The following RALGAPA1 variants were observed in gnomAD, a reference collection of about 807,000 sequenced individuals.
RALGAPA1 encodes the protein ral GTPase-activating protein subunit alpha-1.
Under a neutral mutation model 269.6 loss-of-function variants are expected in RALGAPA1, and 52 were observed. The observed-to-expected ratio is 0.19, with a 90% CI of 0.15 to 0.24. The LOEUF (loss-of-function observed/expected upper bound fraction) is 0.24. Ranked by LOEUF, RALGAPA1 falls within the 10% of genes least tolerant of loss-of-function variation. The pLI is 1.00. For synonymous variants in RALGAPA1, 817 were observed against 1,008.3 expected, an observed-to-expected ratio of 0.81 and a Z score of 3.60; for missense variants, 1,917 against 3,013.9, an observed-to-expected ratio of 0.64 and a Z score of 8.52.
At chr14:35,767,430 G>A (rs529160226) in intron 4 of RALGAPA1, among the ~76,000 whole-genome samples, 6 of 152,308 alleles carry the variant, frequency 3.9e-5, no homozygotes, top group Admixed American at 2.6e-4. Flanking sequence ...ACTCACACCT[G>A]TAATCCTAGC....
rs372267019 is a variant in RALGAPA1, at chr14:35,605,717, A to G, written c.6930-8T>C. On this transcript the variant is annotated splice_region_variant and splice_polypyrimidine_tract_variant and intron_variant, in intron 35 of 41. Coordinates refer to ENST00000680220, the MANE Select transcript of RALGAPA1 (RefSeq NM_001346249.2). Reference sequence around the variant, plus strand: ...ATCTTGTGTGTCTCTCGGCTATAAAACAAAAGATTACACCATTAATTTAAT... The same window carrying G: ...ATCTTGTGTGTCTCTCGGCTATAAAGCAAAAGATTACACCATTAATTTAAT... 9 of 1,603,392 alleles carry G rather than the reference A, an allele frequency of 5.6e-6. No individual in the cohort carries two copies. Among genetic ancestry groups the G allele is most frequent in the Non-Finnish European group, 7.6e-6 (9 of 1,177,380 alleles).
At chr14:35,677,814 A>G (rs2065076716) in intron 22 of RALGAPA1, 136 bp downstream of exon 22, 1 of 762,578 alleles carries the variant, frequency 1.3e-6, no homozygotes, top group Admixed American at 3.3e-5. Context: ...TACATTAACA[A>G]ATTTCCAAAG....
intron 35 of RALGAPA1, among the ~76,000 whole-genome samples, chr14:35,606,969 G>C (rs1340569332): frequency 3.3e-5 from 5 of 152,176 alleles, no homozygotes; most frequent in African/African-American, 4.8e-5. Flanking sequence ...CAGTGCGTCA[G>C]ATGTATCAGT....
chr14:35,794,243 G>A (rs975143722), intron 1 of RALGAPA1, among the ~76,000 whole-genome samples: 3 of 152,080 alleles, frequency 2.0e-5, no homozygotes, highest in Admixed American at 6.6e-5. Context: ...GGGAGGTCGA[G>A]GCGGTCAGAT....
rs541650522 is a variant in RALGAPA1, at chr14:35,792,346, G to A, written c.106+16384C>T. ...TAATTTTTGTATTTTCAGTAGAGACGTGGTTTCACCATGTTGGCCAGGCTG... is the reference window on the plus strand; with the variant it reads ...TAATTTTTGTATTTTCAGTAGAGACATGGTTTCACCATGTTGGCCAGGCTG... On this transcript the variant is annotated intron_variant, in intron 1 of 41. Coordinates refer to ENST00000680220, the MANE Select transcript of RALGAPA1 (RefSeq NM_001346249.2). 4.6e-5 allele frequency among the ~76,000 whole-genome samples: 7 copies of A among 152,124 alleles called. No individual in the cohort carries two copies. In the East Asian group the frequency reaches 1.4e-3, roughly 30 times the overall value.
chr14:35,669,755 A>T (rs6571726), intron 26 of RALGAPA1, among the ~76,000 whole-genome samples: 91,274 of 152,016 alleles, frequency 0.6, 28,921 homozygotes, highest in African/African-American at 0.82. Flanking sequence ...TACTTCTCCA[A>T]ATCCCCAGCA....
Position 35,808,932 on chromosome 14 carries a change from A to G in RALGAPA1, c.-97T>C. ...GGAGTGGACGGGGAGGAGACTAGCC[A>G]GAGAGGCTCATTAGCTCCCCAGCCT... On this transcript the variant is annotated 5_prime_UTR_variant, in exon 1 of 42. Transcript: ENST00000680220. The G allele has an allele frequency of 6.6e-7, 1 of 1,509,150 alleles. No individual in the cohort carries two copies. Among genetic ancestry groups the G allele is most frequent in the South Asian group, 1.3e-5 (1 of 78,350 alleles). 93.5% of individuals were successfully genotyped at this position (1,509,150 alleles called of 1,614,324 possible).
intron 1 of RALGAPA1, among the ~76,000 whole-genome samples, chr14:35,807,465 T>C (rs2077455529): frequency 2.0e-5 from 3 of 152,156 alleles, no homozygotes; most frequent in African/African-American, 4.8e-5. Flanking sequence ...TGACAAAGAT[T>C]AGCTGTCATA....
At chr14:35,674,372 A>C (rs2140274867) in intron 23 of RALGAPA1, 94 bp from the exon 24 acceptor site, 3 of 1,260,726 alleles carry the variant, frequency 2.4e-6, no homozygotes, top group Non-Finnish European at 3.3e-6. Flanking sequence ...TTCTACACTT[A>C]CTATTTAATT....
At chr14:35,735,055 A>G (rs1003126565) in intron 12 of RALGAPA1, among the ~76,000 whole-genome samples, 1 of 152,056 alleles carries the variant, frequency 6.6e-6, no homozygotes, top group African/African-American at 2.4e-5. Flanking sequence ...AAAAAATCAA[A>G]AAACACTAGA....
chr14:35,800,135 T>C (rs1458824766), intron 1 of RALGAPA1, among the ~76,000 whole-genome samples: 2 of 152,266 alleles, frequency 1.3e-5, no homozygotes, highest in African/African-American at 4.8e-5. Flanking sequence ...AACCCACAAT[T>C]ACAGTCAGAA....
intron 28 of RALGAPA1, among the ~76,000 whole-genome samples, chr14:35,657,291 C>T (rs140781543): frequency 0.011 from 1,615 of 151,676 alleles, 31 homozygotes; most frequent in African/African-American, 0.037. Flanking sequence ...TCGGTTCAAG[C>T]AATTCTCCTG....
chr14:35,540,298 C>T (rs1327033601), intron 41 of RALGAPA1, among the ~76,000 whole-genome samples: 1 of 152,122 alleles, frequency 6.6e-6, no homozygotes, highest in Non-Finnish European at 1.5e-5. Context: ...GAATTCTCCT[C>T]TGAATGTCAG....
chr14:35,669,377 C>T (rs1452257222), intron 26 of RALGAPA1, among the ~76,000 whole-genome samples: 4 of 152,146 alleles, frequency 2.6e-5, no homozygotes, highest in Non-Finnish European at 4.4e-5. Flanking sequence ...GTGTCAGCCT[C>T]CCCAGTAGCT....
intron 27 of RALGAPA1, among the ~76,000 whole-genome samples, chr14:35,662,781 A>G (rs556949048): frequency 6.6e-6 from 1 of 152,230 alleles, no homozygotes; most frequent in East Asian, 1.9e-4. Flanking sequence ...ATGTACCTTC[A>G]GAACAGTAAA....
chr14:35,589,766 T>A (rs1042767709), intron 37 of RALGAPA1, among the ~76,000 whole-genome samples: 2 of 152,150 alleles, frequency 1.3e-5, no homozygotes, highest in Admixed American at 1.3e-4. Flanking sequence ...AGTGGTGCAA[T>A]CTTGGCTCAT....
intron 33 of RALGAPA1, among the ~76,000 whole-genome samples, chr14:35,631,167 A>C (rs2061337188): frequency 6.6e-6 from 1 of 152,110 alleles, no homozygotes; most frequent in Admixed American, 6.5e-5. Context: ...GGTATTCCTC[A>C]TTTTGCACAT....
intron 33 of RALGAPA1, among the ~76,000 whole-genome samples, chr14:35,629,585 C>T (rs1201190852): frequency 6.6e-6 from 1 of 152,080 alleles, no homozygotes; most frequent in Non-Finnish European, 1.5e-5. Context: ...CTCACTGCAA[C>T]CTCCACCTCC....
chr14:35,738,361 TTAAG>T (rs1438092927), intron 12 of RALGAPA1, 148 bp downstream of exon 12: 1 of 402,092 alleles, frequency 2.5e-6, no homozygotes, highest in East Asian at 4.0e-5. Context: ...AATATATATA[TTAAG>T]TGATGAAAGG....
Sources: gnomAD v4.1 joint callset for allele counts (sites outside exome capture counted in the v4.1 genomes callset) on GRCh38, gnomAD v4.1.1 for gene constraint, MANE v1.5 for transcripts, NCBI Gene and HGNC (gene_info 2026-07-23, HGNC 2026-07-21) for gene names.